The following DRC9 variants were observed in gnomAD, a reference collection of about 807,000 sequenced individuals.
DRC9 encodes dynein regulatory complex subunit 9.
At chr3:197,902,803 T>C in the DRC9 span, among the ~76,000 whole-genome samples, 1 of 152,118 alleles carries the variant, frequency 6.6e-6, no homozygotes, top group African/African-American at 2.4e-5. Context: ...AAAATACCAA[T>C]GACATTCTTC....
At chr3:197,894,933 G>A in the DRC9 span, among the ~76,000 whole-genome samples, 4 of 151,930 alleles carry the variant, frequency 2.6e-5, no homozygotes, top group South Asian at 2.1e-4. Flanking sequence ...GTGTGGTGGC[G>A]CCTGTGGTCC....
the DRC9 span, chr3:197,891,557 TA>T: frequency 6.2e-6 from 9 of 1,449,092 alleles, no homozygotes; most frequent in South Asian, 1.0e-4. Context: ...TCTGCAAAGA[TA>T]GACATTCATC....
the DRC9 span, among the ~76,000 whole-genome samples, chr3:197,896,111 G>A: frequency 6.6e-6 from 1 of 151,180 alleles, no homozygotes; most frequent in Non-Finnish European, 1.5e-5. Flanking sequence ...GGGAGGCCAA[G>A]GCGGGCAGAT....
the DRC9 span, among the ~76,000 whole-genome samples, chr3:197,946,594 G>T: frequency 1.3e-5 from 2 of 152,080 alleles, no homozygotes; most frequent in African/African-American, 4.8e-5. Context: ...GTACTGAATG[G>T]ACAGTGAGTG....
At chr3:197,919,019 G>T in the DRC9 span, among the ~76,000 whole-genome samples, 8 of 151,926 alleles carry the variant, frequency 5.3e-5, no homozygotes, top group Admixed American at 3.3e-4. Flanking sequence ...TGTTAGTCAG[G>T]CTGGTCTCAA....
At chr3:197,929,145 CAG>C in the DRC9 span, among the ~76,000 whole-genome samples, 5 of 152,202 alleles carry the variant, frequency 3.3e-5, no homozygotes, top group South Asian at 2.1e-4. The surrounding 1 kb of genome is among the most constrained non-coding windows in gnomAD (Gnocchi z 4.6). Context: ...ATGCTAAAAA[CAG>C]GGGGACCAAA....
chr3:197,903,955 A>C, the DRC9 span, among the ~76,000 whole-genome samples: 21 of 149,708 alleles, frequency 1.4e-4, no homozygotes, highest in South Asian at 4.2e-4. Context: ...CTCTCTCTCT[A>C]TGTGTATAAC....
the DRC9 span, among the ~76,000 whole-genome samples, chr3:197,935,007 G>T: frequency 3.3e-5 from 5 of 151,922 alleles, no homozygotes; most frequent in Non-Finnish European, 7.4e-5. Flanking sequence ...ATTAAAAATG[G>T]CTATTTAATG....
chr3:197,955,869 T>G, the DRC9 span: 6 of 1,053,408 alleles, frequency 5.7e-6, no homozygotes, highest in Admixed American at 8.5e-5. Flanking sequence ...GCTACATGCT[T>G]AAAATGATAG....
chr3:197,935,313 G>A, the DRC9 span, among the ~76,000 whole-genome samples: 3 of 151,862 alleles, frequency 2.0e-5, no homozygotes, highest in Non-Finnish European at 4.4e-5. Flanking sequence ...GGTGACGCAC[G>A]CCAGTAATCC....
chr3:197,911,646 T>A, the DRC9 span, among the ~76,000 whole-genome samples: 1 of 146,386 alleles, frequency 6.8e-6, no homozygotes. Flanking sequence ...GATTAGTAAA[T>A]TTTTTTTTTT....
At chr3:197,942,036 T>TA in the DRC9 span, among the ~76,000 whole-genome samples, 1 of 152,106 alleles carries the variant, frequency 6.6e-6, no homozygotes, top group Non-Finnish European at 1.5e-5. Context: ...CTGTGATACT[T>TA]ACAGCATTTT....
At chr3:197,905,883 G>GA in the DRC9 span, among the ~76,000 whole-genome samples, 24 of 150,156 alleles carry the variant, frequency 1.6e-4, no homozygotes, top group South Asian at 2.1e-4. Context: ...CTCAATTAAT[G>GA]AAAAAAAAAT....
At chr3:197,958,669 T>C in the DRC9 span, 4 of 152,308 alleles carry the variant, frequency 2.6e-5, no homozygotes, top group East Asian at 7.7e-4. Flanking sequence ...AAACAAACGG[T>C]TGAGACTTTA....
At chr3:197,909,885 C>A in the DRC9 span, among the ~76,000 whole-genome samples, 1 of 151,970 alleles carries the variant, frequency 6.6e-6, no homozygotes, top group African/African-American at 2.4e-5. Context: ...CCCAGCTACT[C>A]GGGAGGCTGG....
At chr3:197,922,135 A>G in the DRC9 span, among the ~76,000 whole-genome samples, 1 of 152,126 alleles carries the variant, frequency 6.6e-6, no homozygotes, top group East Asian at 1.9e-4. Context: ...TCTTTTTTTA[A>G]GACCCACTAC....
chr3:197,891,393 G>C, the DRC9 span: 1 of 898,004 alleles, frequency 1.1e-6, no homozygotes, highest in Admixed American at 1.8e-5. Context: ...AAATGCTTTT[G>C]TGTTCCTCAG....
At chr3:197,914,376 T>C in the DRC9 span, among the ~76,000 whole-genome samples, 9 of 152,196 alleles carry the variant, frequency 5.9e-5, no homozygotes, top group Admixed American at 3.3e-4. Context: ...CACCCAGGCC[T>C]CCAGCTGTGT....
chr3:197,893,139 C>T, the DRC9 span, among the ~76,000 whole-genome samples: 2 of 151,908 alleles, frequency 1.3e-5, no homozygotes, highest in Admixed American at 6.6e-5. Context: ...GGGCGGATCA[C>T]CTGTGGTCAG....
Sources: gnomAD v4.1 joint callset for allele counts (sites outside exome capture counted in the v4.1 genomes callset) on GRCh38, gnomAD v4.1.1 for gene constraint, Gnocchi (gnomAD v3.1) non-coding constraint, MANE v1.5 for transcripts, NCBI Gene and HGNC (gene_info 2026-07-23, HGNC 2026-07-21) for gene names.